Variants in PEX6 observed in about 807,000 individuals in gnomAD.
PEX6 encodes the protein peroxisomal biogenesis factor 6, also known as peroxisome biogenesis factor 6.
Under a neutral mutation model 85.6 loss-of-function variants are expected in PEX6, and 55 were observed. The observed-to-expected ratio is 0.64, with a 90% CI of 0.52 to 0.80. PEX6 has a LOEUF of 0.80. PEX6 is among the 30% of genes least tolerant of loss of function. The pLI is 0.00. For synonymous variants in PEX6, 519 were observed against 549.1 expected, an observed-to-expected ratio of 0.95 and a Z score of 0.77; for missense variants, 1,099 against 1,260.3, an observed-to-expected ratio of 0.87 and a Z score of 1.94.
rs1290991734 is a variant in PEX6, at chr6:42,969,902, G to A, written c.1216C>T (p.His406Tyr). The A allele has an allele frequency of 1.9e-6, 3 of 1,614,226 alleles. No individual in the cohort carries two copies. Among genetic ancestry groups the A allele is most frequent in the East Asian group, 4.5e-5 (2 of 44,892 alleles). Residue 406 changes from histidine to tyrosine, a missense_variant, in exon 4 of 17, where the codon CAT becomes TAT. Physicochemically the swap from His to Tyr is moderately conservative, Grantham distance 83 (BLOSUM62 2). Around this residue, in one of 3 missense-constraint regions of PEX6, gnomAD observed 579 missense variants for 611.6 expected, o/e 0.95. Transcript: ENST00000304611. ...PASAYLADTT[H>Y]TSLYMVGSTL... Reference sequence around the variant, plus strand: ...GGCCTCACCATGTACAAGGAGGTATGGGTGGTGTCGGCCAAGTAGGCACTG... The same window carrying A: ...GGCCTCACCATGTACAAGGAGGTATAGGTGGTGTCGGCCAAGTAGGCACTG...
rs768448364 is a variant in PEX6, at chr6:42,969,764, G to A, written c.1271C>T (p.Ser424Leu). 4 of 1,613,914 alleles carry A rather than the reference G, an allele frequency of 2.5e-6. No individual in the cohort carries two copies. In the South Asian group the frequency reaches 4.4e-5, roughly 18 times the overall value. Residue 424 changes from serine (S) to leucine (L), a missense_variant, in exon 5 of 17, where the codon TCA (serine) becomes TTA (leucine). This residue lies in a region of PEX6 where 579 missense variants were observed against 611.6 expected (regional missense o/e 0.95). Transcript: ENST00000304611. ...STLSPVPWLP[S>L]EESTLWSSLS... is the part of the protein sequence containing the mutation. ...ACTGCTCCAGAGAGTGGATTCCTCT[G>A]AAGGGAGCCATGGAACAGGGCTCAG...
In PEX6 at chr6:42,978,479, C is replaced by A; in HGVS notation, c.672G>T (p.Trp224Cys). ...TCGATGACTCTCTGGCCTGGGCCAC[C>A]CACACCCATTCGCCCTGGAAGAGGC... is the stretch of plus-strand genomic sequence containing the variant. ...GLGLFQGEWV[W>C]VAQARESSNT... Residue 224 changes from tryptophan to cysteine, a missense_variant, in exon 1 of 17, where the codon TGG becomes TGT. Around this residue, in one of 3 missense-constraint regions of PEX6, gnomAD observed 579 missense variants for 611.6 expected, o/e 0.95. Coordinates refer to ENST00000304611, the MANE Select transcript of PEX6 (RefSeq NM_000287.4). The A allele has an allele frequency of 6.2e-7, 1 of 1,614,182 alleles. No homozygotes were observed. The highest frequency in any genetic ancestry group is 1.7e-5 in the Admixed American group (1 of 60,022).
Position 42,978,689 on chromosome 6 carries a change from C to A in PEX6, c.462G>T (p.Arg154=). 1 of 1,552,564 alleles carries A rather than the reference C, an allele frequency of 6.4e-7. No individual in the cohort carries two copies. The highest frequency in any genetic ancestry group is 8.6e-7 in the Non-Finnish European group (1 of 1,156,260). The change falls in exon 1 of 17, where the codon CGG becomes CGT. Residue 154 remains arginine (R), a synonymous_variant. Transcript: ENST00000304611. ...GCCCGCGGAGCTCAGTCACAGCCAGCCGAGTCCCTGGGCCCAGCAGCCCTT... is the reference window on the plus strand; with the variant it reads ...GCCCGCGGAGCTCAGTCACAGCCAGACGAGTCCCTGGGCCCAGCAGCCCTT... ...ALQGLLGPGT[R]LAVTELRGRA... is the part of the protein sequence containing the mutation.
At chr6:42,968,824 T>G in intron 6 of PEX6, 50 bp downstream of exon 6, 3 of 1,321,086 alleles carry the variant, frequency 2.3e-6, no homozygotes, top group Non-Finnish European at 3.3e-6. Context: ...AGGGAGAACA[T>G]GAGCTGGGGA....
chr6:42,965,407 C>T lies in PEX6; in HGVS notation c.2472-39G>A, dbSNP rs899386415. 1 of 1,437,250 alleles carries T rather than the reference C, an allele frequency of 7.0e-7. No individual in the cohort carries two copies. The highest frequency in any genetic ancestry group is 1.7e-5 in the Admixed American group (1 of 59,776). The allele number at this position is 1,437,250 out of a possible 1,614,324, so 89.0% of individuals were successfully genotyped here. A position where few individuals can be genotyped will look rare whatever the true frequency, so the allele number is the denominator to read the frequency against. ...AGCAAGGGCAAGAGTCCTTGGTGTC[C>T]CCCTTAGACTCTGCCCCTGCCTGTG... On this transcript the variant is annotated intron_variant, in intron 13 of 16. Transcript: ENST00000304611. The surrounding 1 kb of genome is among the most constrained non-coding windows in gnomAD (Gnocchi z 5.0).
In PEX6 at chr6:42,964,264, C is replaced by T; in HGVS notation, c.*71G>A. On this transcript the variant is annotated 3_prime_UTR_variant, in exon 17 of 17. Coordinates refer to ENST00000304611, the MANE Select transcript of PEX6 (RefSeq NM_000287.4). This position sits in a 1 kb window ranked among gnomAD's most constrained non-coding sequence, Gnocchi z 4.6. ...GCAGCCTGAGGAGGAGCCCTTCCTT[C>T]CCAGATCTCTCTGTGGGCTATCAAG... 6.3e-7 allele frequency: 1 copy of T among 1,585,750 alleles called. No homozygotes were observed. Among genetic ancestry groups the T allele is most frequent in the Non-Finnish European group, 8.6e-7 (1 of 1,156,686 alleles).
chr6:42,965,693 C>T lies in PEX6; in HGVS notation c.2459G>A (p.Gly820Glu), dbSNP rs558030547. ...CTCAGACCCCTACCTGTCCATCACT[C>T]CTCCAGAATCTCCACTTCGCCCCCG... The part of the protein sequence containing the change: ...PSRGRSGDSG[G>E]VMDRVVSQLL... The change falls in exon 13 of 17, where the codon GGA becomes GAA. Residue 820 changes from glycine to glutamate, a missense_variant. By Grantham distance (98) the Gly-to-Glu change is moderately conservative (BLOSUM62 -2). Around this residue, in one of 3 missense-constraint regions of PEX6, gnomAD observed 514 missense variants for 627.0 expected, o/e 0.82. Coordinates refer to ENST00000304611, the MANE Select transcript of PEX6 (RefSeq NM_000287.4). This position sits in a 1 kb window ranked among gnomAD's most constrained non-coding sequence, Gnocchi z 5.0. 9.3e-6 allele frequency: 15 copies of T among 1,613,132 alleles called. No homozygotes were observed. The African/African-American group carries it at 1.5e-4, about 16-fold the overall frequency.
intron 5 of PEX6, 139 bp downstream of exon 5, chr6:42,969,529 T>A (rs1769982096): frequency 1.1e-5 from 11 of 1,030,036 alleles, no homozygotes; most frequent in Non-Finnish European, 1.7e-5. Flanking sequence ...GGTGGCCTTG[T>A]GTAGGACATA....
At chr6:42,967,343 G>A in intron 8 of PEX6, 25 bp downstream of exon 8, 3 of 1,596,094 alleles carry the variant, frequency 1.9e-6, no homozygotes, top group South Asian at 1.1e-5. Flanking sequence ...CCTAGGGAGG[G>A]CCAGTACTCT....
In PEX6 at chr6:42,965,712, GC is replaced by G. The variant is rs1554126955; in HGVS notation, c.2439del (p.Arg814GlufsTer8). 14 of 1,613,648 alleles carry G rather than the reference GC, an allele frequency of 8.7e-6. No homozygotes were observed. Among genetic ancestry groups the G allele is most frequent in the Non-Finnish European group, 1.1e-5 (13 of 1,179,730 alleles). On this transcript the variant is annotated frameshift_variant, in exon 13 of 17. Transcript: ENST00000304611. LOFTEE classifies it high-confidence loss of function. This position sits in a 1 kb window ranked among gnomAD's most constrained non-coding sequence, Gnocchi z 5.0. ...ATCACTCCTCCAGAATCTCCACTTCGCCCCCGGCTTGGGGCCAAAGAGTCCA... is the reference window on the plus strand; with the variant it reads ...ATCACTCCTCCAGAATCTCCACTTCGCCCCGGCTTGGGGCCAAAGAGTCCA... ...DELDSLAPSR[G>X]RSGDSGGVMD...
intron 2 of PEX6, among the ~76,000 whole-genome samples, chr6:42,974,539 G>A (rs550283391): frequency 2.3e-4 from 31 of 136,508 alleles, no homozygotes; most frequent in African/African-American, 7.5e-4. Flanking sequence ...CTCACTGCAA[G>A]CTCCACCTCC....
chr6:42,978,008 T>C (rs1276279494), intron 1 of PEX6, among the ~76,000 whole-genome samples: 1 of 151,694 alleles, frequency 6.6e-6, no homozygotes, highest in African/African-American at 2.4e-5. Flanking sequence ...CACGCCCGGC[T>C]AATTTTACAT....
chr6:42,974,190 T>C (rs1770173639), intron 2 of PEX6, 104 bp from the exon 3 acceptor site: 1 of 855,416 alleles, frequency 1.2e-6, no homozygotes. Flanking sequence ...TTGAGTCTAC[T>C]GCCCGCCCAG....
At position 42,978,821 on chromosome 6, in the gene PEX6, G is replaced by C. The variant is rs140486558; in HGVS notation, c.330C>G (p.Thr110=). 6.8e-3 allele frequency: 10,407 copies of C among 1,533,228 alleles called. 60 individuals carry two copies. Among genetic ancestry groups the C allele is most frequent in the Middle Eastern group, 0.02 (87 of 4,394 alleles). The allele number at this position is 1,533,228 out of a possible 1,614,324, so 95.0% of individuals were successfully genotyped here. ...GCGGTCCGAGCCCAGGCCCCAGCGA[G>C]GTGCCAAGCAGTGCCCAACCTAGCG... ...PPALGWALLG[T]SLGPGLGPRV... is the part of the protein sequence containing the mutation. The change falls in exon 1 of 17, where the codon ACC becomes ACG. Residue 110 remains threonine (T), a synonymous_variant. Transcript: ENST00000304611.
Position 42,974,010 on chromosome 6 carries a change from G to C in PEX6, c.1123C>G (p.Leu375Val), listed in dbSNP as rs759834813. The change falls in exon 3 of 17, where the codon CTG becomes GTG. Residue 375 changes from leucine to valine, a missense_variant. Leu to Val is a conservative substitution (Grantham distance 32). Transcript: ENST00000304611. Reference protein sequence around the residue: ...VEILEGSPEKLPRWREMFFKV... With the variant: ...VEILEGSPEKVPRWREMFFKV... ...CAGAAGGCAGCTGCATACCTGGGCA[G>C]TTTCTCTGGACTTCCTTCCAGGATC... 3.1e-6 allele frequency: 5 copies of C among 1,613,140 alleles called. No individual in the cohort carries two copies. Among genetic ancestry groups the C allele is most frequent in the Admixed American group, 1.7e-5 (1 of 59,996 alleles).
chr6:42,976,310 A>G (rs1027170398), intron 1 of PEX6, among the ~76,000 whole-genome samples: 1 of 152,142 alleles, frequency 6.6e-6, no homozygotes, highest in Non-Finnish European at 1.5e-5. Context: ...TAAACCATAT[A>G]TCTAGGTCCT....
At chr6:42,967,947 C>G (rs868280374) in intron 7 of PEX6, among the ~76,000 whole-genome samples, 10 of 136,390 alleles carry the variant, frequency 7.3e-5, no homozygotes, top group African/African-American at 2.4e-4. Context: ...CCCGCTCCCC[C>G]TTTTTTTTTT....
At chr6:42,970,822 G>C (rs1770034793) in intron 3 of PEX6, among the ~76,000 whole-genome samples, 1 of 152,164 alleles carries the variant, frequency 6.6e-6, no homozygotes, top group African/African-American at 2.4e-5. Context: ...CTGGGGTGGG[G>C]CTTAGGCACC....
At position 42,963,970 on chromosome 6, in the gene PEX6, GCT is replaced by G. The variant is rs1769607011; in HGVS notation, c.*363_*364del. On this transcript the variant is annotated 3_prime_UTR_variant, in exon 17 of 17. Transcript: ENST00000304611. ...CAGGGCTTACTCCTCCCACAACCCT[GCT>G]CTTTCTCACTCCAACCTTTCATGCC... 1 of 339,858 alleles carries G rather than the reference GCT, an allele frequency of 2.9e-6. No individual in the cohort carries two copies. Among genetic ancestry groups the G allele is most frequent in the Non-Finnish European group, 5.2e-6 (1 of 190,834 alleles). The allele number at this position is 339,858 out of a possible 1,614,324, so 21.1% of individuals were successfully genotyped here.
Sources: allele counts gnomAD v4.1 joint callset (sites outside exome capture counted in the v4.1 genomes callset), GRCh38; gene constraint gnomAD v4.1.1; regional missense constraint gnomAD v4.1.1; non-coding constraint Gnocchi (gnomAD v3.1); transcripts MANE v1.5; gene names NCBI Gene and HGNC (gene_info 2026-07-23, HGNC 2026-07-21).